Variants in LRRC4C observed in about 807,000 individuals in gnomAD.
LRRC4C encodes the protein leucine-rich repeat-containing protein 4C.
A neutral mutation model predicts 33.6 loss-of-function variants in LRRC4C; 5 were observed. The observed-to-expected ratio is 0.15, with a 90% CI of 0.08 to 0.31. The LOEUF (loss-of-function observed/expected upper bound fraction) is 0.31, where lower values mean the gene tolerates loss of function less well. LRRC4C is among the 10% of genes least tolerant of loss of function. The probability of loss-of-function intolerance (pLI) is 1.00; values close to 1 mark genes in which losing one functional copy is unlikely to be tolerated. For synonymous variants in LRRC4C, 329 were observed against 302.0 expected (o/e 1.09, Z -0.93); for missense variants, 560 against 796.7 (o/e 0.70, Z 3.58).
intron 1 of LRRC4C, among the ~76,000 whole-genome samples, chr11:41,345,926 G>T (rs921034978): frequency 6.6e-6 from 1 of 152,158 alleles, no homozygotes; most frequent in Non-Finnish European, 1.5e-5. Context: ...ATTAAAAAAT[G>T]AAGAGTGAGC....
chr11:40,428,271 G>T (rs1029024640), intron 3 of LRRC4C, among the ~76,000 whole-genome samples: 9 of 151,766 alleles, frequency 5.9e-5, no homozygotes, highest in Non-Finnish European at 8.8e-5. Flanking sequence ...ACTTTTTTTT[G>T]ATTATAAAAG....
chr11:41,106,728 G>A lies in LRRC4C; in HGVS notation c.-495-173005C>T, dbSNP rs182654183. Among the ~76,000 whole-genome samples the A allele has an allele frequency of 4.6e-5, 7 of 152,128 alleles. No individual in the cohort carries two copies. The East Asian group carries it at 1.4e-3, about 30-fold the overall frequency. Reference sequence around the variant, plus strand: ...GTTGAGTATCCTTACAGTACAGAGTGAGTACCCTTATCCAAAATGGTTGGC... The same window carrying A: ...GTTGAGTATCCTTACAGTACAGAGTAAGTACCCTTATCCAAAATGGTTGGC... On this transcript the variant is annotated intron_variant, in intron 1 of 6. Transcript: ENST00000528697.
chr11:40,713,706 CCTT>C (rs1179182503), intron 2 of LRRC4C, among the ~76,000 whole-genome samples: 8 of 152,136 alleles, frequency 5.3e-5, no homozygotes, highest in African/African-American at 1.7e-4. Flanking sequence ...TCTTGTTTCT[CCTT>C]CTCGCTGATA....
intron 2 of LRRC4C, among the ~76,000 whole-genome samples, chr11:40,854,011 A>G (rs564793393): frequency 6.6e-6 from 1 of 151,718 alleles, no homozygotes; most frequent in Admixed American, 6.5e-5. Context: ...CAATTCAAAT[A>G]AAACTACTCT....
At chr11:41,055,288 A>G (rs1017440051) in intron 1 of LRRC4C, among the ~76,000 whole-genome samples, 6 of 152,046 alleles carry the variant, frequency 3.9e-5, no homozygotes, top group Non-Finnish European at 8.8e-5. Flanking sequence ...ATATTATGCC[A>G]TTGTTTAAAT....
intron 4 of LRRC4C, among the ~76,000 whole-genome samples, chr11:40,313,416 G>A (rs1341855316): frequency 1.3e-5 from 2 of 151,884 alleles, no homozygotes; most frequent in African/African-American, 4.8e-5. Flanking sequence ...AGGTGCCAAT[G>A]TCATACATTG....
At position 40,192,939 on chromosome 11, in the gene LRRC4C, G is replaced by A. The variant is rs1394745022; in HGVS notation, c.-96+48580C>T. 2.0e-5 allele frequency among the ~76,000 whole-genome samples: 3 copies of A among 152,350 alleles called. No homozygotes were observed. The East Asian group carries it at 5.8e-4, about 29-fold the overall frequency. On this transcript the variant is annotated intron_variant, in intron 5 of 6. Transcript: ENST00000528697. ...CTGGGCAGGGAATCTCTGAAAGAAA[G>A]GCAGCAGCCCCAGTCAGGGGCTTAT...
At chr11:40,435,915 T>C (rs1184584652) in intron 3 of LRRC4C, among the ~76,000 whole-genome samples, 1 of 152,166 alleles carries the variant, frequency 6.6e-6, no homozygotes, top group Non-Finnish European at 1.5e-5. Context: ...TGTGCTCCTC[T>C]GAGCTAGCTG....
At chr11:41,075,163 CAGG>C (rs1441224470) in intron 1 of LRRC4C, among the ~76,000 whole-genome samples, 2 of 151,658 alleles carry the variant, frequency 1.3e-5, no homozygotes, top group African/African-American at 2.4e-5. Context: ...AGCCACTCTG[CAGG>C]AGATGTTTAG....
chr11:40,816,452 A>T (rs1951709057), intron 2 of LRRC4C, among the ~76,000 whole-genome samples: 1 of 152,174 alleles, frequency 6.6e-6, no homozygotes, highest in South Asian at 2.1e-4. Context: ...CTCTGCCTGA[A>T]GTTTGTCTTT....
intron 5 of LRRC4C, among the ~76,000 whole-genome samples, chr11:40,233,207 C>A (rs562184787): frequency 6.6e-6 from 1 of 152,140 alleles, no homozygotes; most frequent in African/African-American, 2.4e-5. Flanking sequence ...TTCCACTTAA[C>A]AATCAATTCC....
At chr11:40,230,106 C>T (rs1865095443) in intron 5 of LRRC4C, among the ~76,000 whole-genome samples, 1 of 152,092 alleles carries the variant, frequency 6.6e-6, no homozygotes, top group South Asian at 2.1e-4. Flanking sequence ...CTTGGAAGTA[C>T]TAAATATCAG....
At chr11:40,609,929 C>A (rs574662336) in intron 3 of LRRC4C, among the ~76,000 whole-genome samples, 8 of 151,884 alleles carry the variant, frequency 5.3e-5, no homozygotes, top group African/African-American at 1.7e-4. Context: ...AAGTCCAGAA[C>A]CAGATAGCTT....
At chr11:40,821,933 A>G (rs1951945579) in intron 2 of LRRC4C, among the ~76,000 whole-genome samples, 2 of 151,826 alleles carry the variant, frequency 1.3e-5, no homozygotes, top group African/African-American at 2.4e-5. Context: ...ATCTTGAGAC[A>G]TGCAGATAAT....
At chr11:40,778,072 T>C (rs1950079643) in intron 2 of LRRC4C, among the ~76,000 whole-genome samples, 1 of 152,192 alleles carries the variant, frequency 6.6e-6, no homozygotes, top group Non-Finnish European at 1.5e-5. Context: ...GGTTAATATT[T>C]ATCTGTGAGT....
chr11:41,080,005 TCACATAATGGGA>T (rs1939446862), intron 1 of LRRC4C, among the ~76,000 whole-genome samples: 1 of 152,272 alleles, frequency 6.6e-6, no homozygotes, highest in African/African-American at 2.4e-5. Flanking sequence ...ATCATCATCA[TCACATAATGGGA>T]CACATAATGG....
At chr11:40,151,960 G>A (rs1858250843) in intron 5 of LRRC4C, among the ~76,000 whole-genome samples, 1 of 152,176 alleles carries the variant, frequency 6.6e-6, no homozygotes, top group African/African-American at 2.4e-5. Flanking sequence ...ATGGTGGGAT[G>A]CAGGACTAGA....
At chr11:41,077,717 C>T (rs955058590) in intron 1 of LRRC4C, among the ~76,000 whole-genome samples, 2 of 152,192 alleles carry the variant, frequency 1.3e-5, no homozygotes, top group Admixed American at 1.3e-4. Context: ...TGGCTATTAA[C>T]ATCCTGCTCC....
chr11:40,450,356 T>C (rs1951829056), intron 3 of LRRC4C, among the ~76,000 whole-genome samples: 3 of 152,164 alleles, frequency 2.0e-5, no homozygotes, highest in Admixed American at 6.5e-5. Flanking sequence ...CTTTTCCTTC[T>C]AGAACAGTAG....
Sources: allele counts gnomAD v4.1 joint callset (sites outside exome capture counted in the v4.1 genomes callset), GRCh38; gene constraint gnomAD v4.1.1; transcripts MANE v1.5; gene names NCBI Gene and HGNC (gene_info 2026-07-23, HGNC 2026-07-21).